AQP7: variants seen among roughly 807,000 people sequenced by gnomAD.
AQP7 encodes aquaporin-7.
A neutral mutation model predicts 26.1 loss-of-function variants in AQP7; 22 were observed. That is an observed-to-expected ratio of 0.84 (90% CI 0.60 to 1.20). The LOEUF is 1.20. AQP7 is among the 50% of genes most tolerant of loss of function. The pLI, the probability that AQP7 is intolerant of heterozygous loss-of-function variation, is 0.00. For synonymous variants in AQP7, 167 were observed against 181.7 expected, an observed-to-expected ratio of 0.92 and a Z score of 0.65; for missense variants, 412 against 457.5, an observed-to-expected ratio of 0.90 and a Z score of 0.91.
At chr9:33,388,156 G>C (rs1825044629) in intron 3 of AQP7, among the ~76,000 whole-genome samples, 1 of 152,156 alleles carries the variant, frequency 6.6e-6, no homozygotes, top group African/African-American at 2.4e-5. Flanking sequence ...GGGGGAGCCG[G>C]ATCCCTATTT....
intron 2 of AQP7, among the ~76,000 whole-genome samples, chr9:33,398,234 A>G (rs1020423466): frequency 4.0e-5 from 6 of 151,596 alleles, no homozygotes; most frequent in Non-Finnish European, 8.8e-5. Context: ...GCAGTATCCA[A>G]TGTGCAGGAA....
At chr9:33,401,134 C>G in intron 2 of AQP7, 103 bp downstream of exon 2, 11 of 1,345,812 alleles carry the variant, frequency 8.2e-6, no homozygotes, top group Admixed American at 2.0e-5. Flanking sequence ...CGAGTGGGGA[C>G]AGCTGCCCCA....
In AQP7 at chr9:33,386,584, A is replaced by G. The variant is rs1824828312; in HGVS notation, c.269-43T>C. The G allele has an allele frequency of 1.9e-6, 3 of 1,594,036 alleles. No individual in the cohort carries two copies. The Admixed American group carries it at 5.2e-5, about 28-fold the overall frequency. On this transcript the variant is annotated intron_variant, in intron 4 of 7. Transcript: ENST00000297988. ...GTGTGTCAGGGAGTGAGAGCAGAAC[A>G]AACAACAGTGACAAACAGTATGAGA... is the stretch of plus-strand genomic sequence containing the variant.
chr9:33,398,694 G>A (rs537527499), intron 2 of AQP7, among the ~76,000 whole-genome samples: 5 of 152,268 alleles, frequency 3.3e-5, no homozygotes, highest in East Asian at 3.9e-4. Context: ...TGAGGAGCCC[G>A]CTAGACACTT....
Position 33,384,966 on chromosome 9 carries a change from C to T in AQP7, c.*39G>A, listed in dbSNP as rs745663446. 6 of 1,567,320 alleles carry T rather than the reference C, an allele frequency of 3.8e-6. No individual in the cohort carries two copies. In the Middle Eastern group the frequency reaches 1.4e-3, roughly 372 times the overall value. ...GGGTACTGCTGTCGGACAAGCCTTG[C>T]TTTATTGGGGAATGGATGGGATCAC... On this transcript the variant is annotated 3_prime_UTR_variant, in exon 8 of 8. Transcript: ENST00000297988.
chr9:33,392,923 C>A (rs1284261920), intron 3 of AQP7, among the ~76,000 whole-genome samples: 1 of 152,140 alleles, frequency 6.6e-6, no homozygotes, highest in East Asian at 1.9e-4. Flanking sequence ...CTCCTGTTAA[C>A]CAATAAGGAA....
intron 2 of AQP7, among the ~76,000 whole-genome samples, chr9:33,398,029 G>A (rs530677557): frequency 1.3e-5 from 2 of 152,216 alleles, no homozygotes; most frequent in African/African-American, 4.8e-5. Flanking sequence ...GCAGTGTGAT[G>A]AGCACTGCCC....
chr9:33,398,985 T>TG (rs1826049982), intron 2 of AQP7, among the ~76,000 whole-genome samples: 1 of 150,868 alleles, frequency 6.6e-6, no homozygotes, highest in Non-Finnish European at 1.5e-5. Context: ...TTTTTTTTTT[T>TG]TTTGAGACAG....
chr9:33,385,978 A>C (rs1824737564), intron 6 of AQP7, 99 bp downstream of exon 6: 1 of 1,572,198 alleles, frequency 6.4e-7, no homozygotes, highest in Admixed American at 1.8e-5. Flanking sequence ...TACAGTCTCC[A>C]TCCAGAGTTC....
intron 2 of AQP7, chr9:33,395,441 G>A (rs915861366): frequency 6.0e-6 from 3 of 503,178 alleles, no homozygotes; most frequent in African/African-American, 5.8e-5. Context: ...AGTAAAAATG[G>A]CACACCAATG....
chr9:33,399,363 G>A (rs1420328539), intron 2 of AQP7, among the ~76,000 whole-genome samples: 2 of 152,050 alleles, frequency 1.3e-5, no homozygotes, highest in Non-Finnish European at 2.9e-5. Flanking sequence ...AGGAGGCCGA[G>A]GCAGGTGGAT....
At chr9:33,399,816 G>A (rs1288692004) in intron 2 of AQP7, among the ~76,000 whole-genome samples, 1 of 152,040 alleles carries the variant, frequency 6.6e-6, no homozygotes, top group Non-Finnish European at 1.5e-5. Context: ...GGCGGGTGGT[G>A]GCCTGACATG....
intron 2 of AQP7, among the ~76,000 whole-genome samples, chr9:33,396,425 C>T (rs1396497224): frequency 8.1e-5 from 9 of 111,314 alleles, no homozygotes; most frequent in African/African-American, 1.4e-4. Context: ...GCAACAAGAG[C>T]GAGACTCCAT....
rs1826361464 is a variant in AQP7 at position 33,402,412 on chromosome 9, G to C, written c.-65C>G. On this transcript the variant is annotated 5_prime_UTR_variant, in exon 1 of 8. Coordinates refer to ENST00000297988, the MANE Select transcript of AQP7 (RefSeq NM_001170.3). Reference sequence around the variant, plus strand: ...TCTGATTCTCAGCCTCCGCCTTGGGGGCTTCTCAGTTACAGCGCATCTTGA... The same window carrying C: ...TCTGATTCTCAGCCTCCGCCTTGGGCGCTTCTCAGTTACAGCGCATCTTGA... The C allele has an allele frequency of 6.5e-6, 1 of 152,696 alleles. No homozygotes were observed. Among genetic ancestry groups the C allele is most frequent in the African/African-American group, 2.4e-5 (1 of 41,440 alleles). 9.5% of individuals were successfully genotyped at this position (152,696 alleles called of 1,614,324 possible).
chr9:33,395,457 A>G, intron 2 of AQP7: 2 of 469,354 alleles, frequency 4.3e-6, no homozygotes, highest in East Asian at 3.9e-5. Context: ...CAATGAGGCC[A>G]CTTTGCAGAT....
chr9:33,395,549 A>C, intron 2 of AQP7: 1 of 275,536 alleles, frequency 3.6e-6, no homozygotes, highest in Non-Finnish European at 7.0e-6. Flanking sequence ...GCAGGCTGGA[A>C]AGTGGAGCTC....
chr9:33,394,397 C>T (rs556901837), intron 3 of AQP7: 5 of 152,454 alleles, frequency 3.3e-5, no homozygotes, highest in African/African-American at 1.2e-4. Context: ...CATGTCACTC[C>T]CCTGCTTGCC....
Position 33,383,404 on chromosome 9 carries a change from C to G in AQP7, c.*1601G>C, listed in dbSNP as rs1366627998. On this transcript the variant is annotated 3_prime_UTR_variant, in exon 8 of 8. Coordinates refer to ENST00000297988, the MANE Select transcript of AQP7 (RefSeq NM_001170.3). ...CTTATCTTCCTCTCCAAACCATTTC[C>G]TCACTTGTGCCCTACTCTCAGTGGG... The G allele has an allele frequency of 3.3e-5, 5 of 152,164 alleles. No homozygotes were observed. Among genetic ancestry groups the G allele is most frequent in the Admixed American group, 3.3e-4 (5 of 15,274 alleles). 9.4% of individuals were successfully genotyped at this position (152,164 alleles called of 1,614,324 possible).
chr9:33,398,506 A>G (rs1361097157), intron 2 of AQP7, among the ~76,000 whole-genome samples: 2 of 152,252 alleles, frequency 1.3e-5, no homozygotes, highest in African/African-American at 4.8e-5. Context: ...TGGCAGCGCC[A>G]ATGGCCAAAA....
Sources: allele counts gnomAD v4.1 joint callset (sites outside exome capture counted in the v4.1 genomes callset), GRCh38; gene constraint gnomAD v4.1.1; transcripts MANE v1.5; gene names NCBI Gene and HGNC (gene_info 2026-07-23, HGNC 2026-07-21).